COL4A2: variants seen among roughly 807,000 people sequenced by gnomAD.
COL4A2 encodes collagen type IV alpha 2 chain.
A neutral mutation model predicts 200.2 loss-of-function variants in COL4A2; 99 were observed. The observed-to-expected ratio is 0.49, with a 90% confidence interval of 0.42 to 0.58. The LOEUF (loss-of-function observed/expected upper bound fraction) is 0.58, where lower values mean the gene tolerates loss of function less well. Ranked by LOEUF, COL4A2 falls within the 20% of genes least tolerant of loss-of-function variation. The pLI, the probability that COL4A2 is intolerant of heterozygous loss-of-function variation, is 0.00. For synonymous variants in COL4A2, 897 were observed against 900.6 expected (o/e 1.00, Z 0.07); for missense variants, 1,950 against 2,314.1 (o/e 0.84, Z 3.23).
chr13:110,365,067 G>C (rs1362827155), intron 4 of COL4A2, among the ~76,000 whole-genome samples: 1 of 152,112 alleles, frequency 6.6e-6, no homozygotes, highest in Non-Finnish European at 1.5e-5. Context: ...TTAAATTTTA[G>C]TAGCCAACTG....
chr13:110,464,588 C>T (rs1306769663), intron 24 of COL4A2, among the ~76,000 whole-genome samples: 1 of 147,758 alleles, frequency 6.8e-6, no homozygotes, highest in Non-Finnish European at 1.5e-5. Context: ...TAGAGCTGGA[C>T]CGGTGTCCCT....
chr13:110,478,453 G>C, intron 30 of COL4A2, among the ~76,000 whole-genome samples: 1 of 152,232 alleles, frequency 6.6e-6, no homozygotes, highest in East Asian at 1.9e-4. Context: ...TCACTGCTCT[G>C]ATGTGGAGAG....
chr13:110,478,724 A>G (rs1336603750), intron 30 of COL4A2, among the ~76,000 whole-genome samples: 2 of 152,284 alleles, frequency 1.3e-5, no homozygotes, highest in Non-Finnish European at 2.9e-5. Flanking sequence ...TTCACGGTCC[A>G]GGGAAACTGT....
At chr13:110,350,929 G>C (rs888068686) in intron 3 of COL4A2, among the ~76,000 whole-genome samples, 2 of 152,122 alleles carry the variant, frequency 1.3e-5, no homozygotes, top group East Asian at 3.9e-4. Flanking sequence ...TTTCCTCTCT[G>C]TTTCCCTCTT....
At position 110,489,957 on chromosome 13, in the gene COL4A2, T is replaced by C. The variant is rs74124622; in HGVS notation, c.3346+172T>C. 4.6e-3 allele frequency among the ~76,000 whole-genome samples: 697 copies of C among 152,320 alleles called. 5 individuals are homozygous for C. The highest frequency in any genetic ancestry group is 0.016 in the African/African-American group (665 of 41,556). Reference sequence around the variant, plus strand: ...GACCGTCGTTTTTAATTAAGTTAAATCTGAAGATAAAATCAGGAAGTCTTT... The same window carrying C: ...GACCGTCGTTTTTAATTAAGTTAAACCTGAAGATAAAATCAGGAAGTCTTT... On this transcript the variant is annotated intron_variant, in intron 36 of 47. Transcript: ENST00000360467.
chr13:110,470,440 T>C (rs907276427), intron 28 of COL4A2, among the ~76,000 whole-genome samples: 1 of 152,134 alleles, frequency 6.6e-6, no homozygotes, highest in Admixed American at 6.5e-5. Context: ...CACCGGGCTG[T>C]TCCTGAGCCA....
Position 110,508,320 on chromosome 13 carries a change from G to A in COL4A2, c.4881+99G>A, listed in dbSNP as rs1883960033. 2 of 1,544,566 alleles carry A rather than the reference G, an allele frequency of 1.3e-6. No individual in the cohort carries two copies. The highest frequency in any genetic ancestry group is 4.5e-5 in the East Asian group (2 of 44,190). The stretch of plus-strand genomic sequence containing the variant: ...GAGAAGAATCAGACACGGCAGTCCA[G>A]GGTGTGCACTGCACAAGGGTAGTTG... On this transcript the variant is annotated intron_variant, in intron 47 of 47. Transcript: ENST00000360467. This position sits in a 1 kb window ranked among gnomAD's most constrained non-coding sequence, Gnocchi z 6.1.
chr13:110,485,391 T>C (rs569690124), intron 33 of COL4A2, among the ~76,000 whole-genome samples: 53 of 151,966 alleles, frequency 3.5e-4, no homozygotes, highest in African/African-American at 1.2e-3. Context: ...GGCATGGTGG[T>C]GGGCGCCTGT....
At chr13:110,397,569 G>C (rs1212961919) in intron 4 of COL4A2, among the ~76,000 whole-genome samples, 2 of 152,210 alleles carry the variant, frequency 1.3e-5, no homozygotes, top group African/African-American at 2.4e-5. Flanking sequence ...AGACGTTTTT[G>C]GAGTAAATCG....
rs1351294710 is a variant in COL4A2 at position 110,430,616 on chromosome 13, C to G, written c.648+9C>G. 3.1e-6 allele frequency: 5 copies of G among 1,614,186 alleles called. No individual in the cohort carries two copies. The Admixed American group carries it at 6.7e-5, about 22-fold the overall frequency. On this transcript the variant is annotated intron_variant, in intron 10 of 47. Coordinates refer to ENST00000360467, the MANE Select transcript of COL4A2 (RefSeq NM_001846.4). ...GAGCTCCAGGGAGACCAGTAAGTAC[C>G]TGGACACAGGTGCCCACTCTGGGAC...
chr13:110,327,882 G>A (rs1030112052), intron 3 of COL4A2, among the ~76,000 whole-genome samples: 1 of 152,042 alleles, frequency 6.6e-6, no homozygotes. Context: ...GCAACTCTTC[G>A]GTCACACACA....
intron 4 of COL4A2, among the ~76,000 whole-genome samples, chr13:110,397,614 A>C (rs1430947857): frequency 6.6e-6 from 1 of 152,206 alleles, no homozygotes. Context: ...TCTGAACTGA[A>C]CTACCACTTG....
chr13:110,365,086 C>T (rs776186922), intron 4 of COL4A2, among the ~76,000 whole-genome samples: 18 of 151,934 alleles, frequency 1.2e-4, no homozygotes, highest in African/African-American at 4.4e-4. Context: ...TGTGGCTATG[C>T]ATAATCCACT....
chr13:110,395,790 T>C (rs61963201), intron 4 of COL4A2, among the ~76,000 whole-genome samples: 4,437 of 152,104 alleles, frequency 0.029, 84 homozygotes, highest in Middle Eastern at 0.071. Flanking sequence ...GCTAAAAATA[T>C]AAAAATTAGC....
At chr13:110,337,758 G>A (rs1462534761) in intron 3 of COL4A2, among the ~76,000 whole-genome samples, 1 of 152,238 alleles carries the variant, frequency 6.6e-6, no homozygotes, top group Non-Finnish European at 1.5e-5. Flanking sequence ...CCCTGCAGCA[G>A]GTTCTGCTGT....
chr13:110,472,700 G>A (rs558512168), intron 28 of COL4A2, among the ~76,000 whole-genome samples: 1 of 152,234 alleles, frequency 6.6e-6, no homozygotes, highest in African/African-American at 2.4e-5. Flanking sequence ...CTCAGTTTTA[G>A]GGCTGGGGGG....
intron 4 of COL4A2, among the ~76,000 whole-genome samples, chr13:110,416,986 T>C (rs1880063661): frequency 1.0e-5 from 1 of 98,938 alleles, no homozygotes; most frequent in African/African-American, 4.5e-5. Flanking sequence ...CAGACTTTTC[T>C]TTTTTTTTTT....
chr13:110,465,941 C>T (rs1027400889), intron 25 of COL4A2, 62 bp from the exon 26 acceptor site: 34 of 1,582,716 alleles, frequency 2.1e-5, no homozygotes, highest in Admixed American at 3.4e-5. Context: ...ACGCCCCAGA[C>T]GAGCCAGTAA....
intron 4 of COL4A2, among the ~76,000 whole-genome samples, chr13:110,360,281 A>G (rs1010129098): frequency 6.6e-6 from 1 of 152,218 alleles, no homozygotes; most frequent in Non-Finnish European, 1.5e-5. Context: ...ACCCAAACAA[A>G]CTGAGTAGAG....
Sources: gnomAD v4.1 joint callset for allele counts (sites outside exome capture counted in the v4.1 genomes callset) on GRCh38, gnomAD v4.1.1 for gene constraint, Gnocchi (gnomAD v3.1) non-coding constraint, MANE v1.5 for transcripts, NCBI Gene and HGNC (gene_info 2026-07-23, HGNC 2026-07-21) for gene names.